FAM53B: variants seen among roughly 807,000 people sequenced by gnomAD.
FAM53B encodes family with sequence similarity 53 member B.
A neutral mutation model predicts 32.7 loss-of-function variants in FAM53B; 12 were observed. The ratio of observed to expected loss-of-function variants is 0.37; its 90% CI spans 0.24 to 0.59. The LOEUF (loss-of-function observed/expected upper bound fraction) is 0.59. Ranked by LOEUF, FAM53B falls within the 20% of genes least tolerant of loss-of-function variation. The pLI, the probability that FAM53B is intolerant of heterozygous loss-of-function variation, is 0.72. For missense variants in FAM53B, 477 were observed against 577.7 expected, an observed-to-expected ratio of 0.83 and a Z score of 1.79; for synonymous variants, 234 against 228.7, an observed-to-expected ratio of 1.02 and a Z score of -0.21.
intron 4 of FAM53B, among the ~76,000 whole-genome samples, chr10:124,658,457 C>A (rs1447790157): frequency 1.3e-5 from 2 of 152,178 alleles, no homozygotes; most frequent in Non-Finnish European, 2.9e-5. Flanking sequence ...AGTGGGTGGC[C>A]CCCACTCATA....
intron 4 of FAM53B, among the ~76,000 whole-genome samples, chr10:124,680,578 C>A (rs899755138): frequency 1.9e-4 from 29 of 152,328 alleles, no homozygotes; most frequent in African/African-American, 6.7e-4. Flanking sequence ...TGAAACGCAG[C>A]GAGCGTGATA....
intron 1 of FAM53B, 96 bp from the exon 2 acceptor site, chr10:124,706,983 T>G (rs1949963662): frequency 8.8e-7 from 1 of 1,136,786 alleles, no homozygotes; most frequent in Non-Finnish European, 1.2e-6. Flanking sequence ...CCCAGGGGAC[T>G]GGAACCACCT....
intron 4 of FAM53B, among the ~76,000 whole-genome samples, chr10:124,640,900 G>A (rs1219303290): frequency 1.3e-5 from 2 of 152,342 alleles, no homozygotes; most frequent in Admixed American, 1.3e-4. Flanking sequence ...GGCAAAGGCC[G>A]CAGAGGGCAC....
intron 4 of FAM53B, among the ~76,000 whole-genome samples, chr10:124,630,557 CCCAGATGGGGAAG>C (rs1386713060): frequency 6.6e-6 from 1 of 152,228 alleles, no homozygotes; most frequent in South Asian, 2.1e-4. Flanking sequence ...GGCAGCAAAA[CCCAGATGGGGAAG>C]CCAGGTTGCC....
intron 4 of FAM53B, among the ~76,000 whole-genome samples, chr10:124,669,130 G>A (rs1243007552): frequency 1.3e-5 from 2 of 152,244 alleles, no homozygotes; most frequent in Non-Finnish European, 2.9e-5. Flanking sequence ...GGGCTCAGAG[G>A]TCTTCAGCAA....
intron 4 of FAM53B, among the ~76,000 whole-genome samples, chr10:124,677,696 G>A (rs927652878): frequency 6.6e-6 from 1 of 151,922 alleles, no homozygotes; most frequent in Admixed American, 6.6e-5. Context: ...GAAGACATGA[G>A]CAAAGACAAT....
chr10:124,654,577 C>G (rs956150783), intron 4 of FAM53B, among the ~76,000 whole-genome samples: 10 of 152,220 alleles, frequency 6.6e-5, no homozygotes, highest in African/African-American at 2.4e-4. Context: ...TGATTCATCT[C>G]CCCGTGGCCC....
intron 3 of FAM53B, among the ~76,000 whole-genome samples, chr10:124,693,659 G>C (rs1041093246): frequency 6.6e-6 from 1 of 152,154 alleles, no homozygotes; most frequent in Non-Finnish European, 1.5e-5. Context: ...AAGGGATAGA[G>C]GTGGGAGGGA....
intron 1 of FAM53B, among the ~76,000 whole-genome samples, chr10:124,740,698 C>T (rs571510702): frequency 2.6e-5 from 4 of 152,156 alleles, no homozygotes; most frequent in Non-Finnish European, 5.9e-5. Context: ...AAAGTGTATC[C>T]GTTGGACAAG....
rs3781461 is a variant in FAM53B, at chr10:124,650,833, T to G, written c.907-27229A>C. On this transcript the variant is annotated intron_variant, in intron 4 of 4. Transcript: ENST00000337318. ...TCAGCCATTTGTTTCGAGAGAGAGA[T>G]GTGTTTGAAAAGAAAGGGTTCATCC... Among the ~76,000 whole-genome samples the G allele has an allele frequency of 3.8e-3, 581 of 152,180 alleles. 15 individuals are homozygous for G. The East Asian group carries it at 0.095, about 25-fold the overall frequency.
rs548865166 is a variant in FAM53B, at chr10:124,674,278, T to A, written c.906+7329A>T. ...TCACACTGGATGAGCAGCAGGCCCC[T>A]CCTTTTGCCAAATTTCTCCCCTTAC... On this transcript the variant is annotated intron_variant, in intron 4 of 4. Coordinates refer to ENST00000337318, the MANE Select transcript of FAM53B (RefSeq NM_014661.4). 8.2e-4 allele frequency among the ~76,000 whole-genome samples: 125 copies of A among 152,278 alleles called. 1 individual carries two copies. The highest frequency in any genetic ancestry group is 3.4e-3 in the Middle Eastern group (1 of 292).
At chr10:124,698,613 T>C (rs184078101) in intron 2 of FAM53B, among the ~76,000 whole-genome samples, 4 of 152,248 alleles carry the variant, frequency 2.6e-5, no homozygotes, top group Admixed American at 2.0e-4. Flanking sequence ...TGAGGACTTA[T>C]CAGCATCTGC....
At chr10:124,741,068 C>G (rs1950196761) in intron 1 of FAM53B, among the ~76,000 whole-genome samples, 1 of 152,222 alleles carries the variant, frequency 6.6e-6, no homozygotes, top group Non-Finnish European at 1.5e-5. Flanking sequence ...CTGGGGTTTG[C>G]AAGGACTAGT....
rs552111805 is a variant in FAM53B at position 124,696,341 on chromosome 10, G to A, written c.79-129C>T. On this transcript the variant is annotated intron_variant, in intron 2 of 4. Transcript: ENST00000337318. ...TTTGCCAATGTCAGATCAGGGAAAGGAGGAAAAGGTATTCAAAGAGAAAAC... is the reference window on the plus strand; with the variant it reads ...TTTGCCAATGTCAGATCAGGGAAAGAAGGAAAAGGTATTCAAAGAGAAAAC... 634 of 813,484 alleles carry A rather than the reference G, an allele frequency of 7.8e-4. 1 individual carries two copies. Among genetic ancestry groups the A allele is most frequent in the Non-Finnish European group, 1.1e-3 (526 of 487,384 alleles). The allele number at this position is 813,484 out of a possible 1,614,324, so 50.4% of individuals were successfully genotyped here.
At chr10:124,729,428 C>T (rs531141399) in intron 1 of FAM53B, among the ~76,000 whole-genome samples, 17 of 152,334 alleles carry the variant, frequency 1.1e-4, no homozygotes, top group African/African-American at 4.1e-4. Context: ...ACCTCTTAAA[C>T]ACAACTTCCT....
At chr10:124,650,860 A>G (rs1222956162) in intron 4 of FAM53B, among the ~76,000 whole-genome samples, 1 of 152,186 alleles carries the variant, frequency 6.6e-6, no homozygotes, top group Non-Finnish European at 1.5e-5. Context: ...GGTTCATCCT[A>G]AAGTGGATTT....
intron 1 of FAM53B, chr10:124,713,644 T>A (rs1950019894): frequency 6.6e-6 from 1 of 152,250 alleles, no homozygotes; most frequent in Non-Finnish European, 1.5e-5. Context: ...GTTTACCAAA[T>A]GCTCTGTAAT....
Position 124,635,668 on chromosome 10 carries a change from G to A in FAM53B, c.907-12064C>T, listed in dbSNP as rs199610437. ...ATCCTCCAAGAGGCCAAAGGCACAC[G>A]ACGTGTGACCAAGCAATCCCAATGG... On this transcript the variant is annotated intron_variant, in intron 4 of 4. Coordinates refer to ENST00000337318, the MANE Select transcript of FAM53B (RefSeq NM_014661.4). Among the ~76,000 whole-genome samples the A allele has an allele frequency of 4.6e-5, 7 of 152,254 alleles. No homozygotes were observed. In the East Asian group the frequency reaches 9.7e-4, roughly 21 times the overall value.
intron 1 of FAM53B, among the ~76,000 whole-genome samples, chr10:124,739,874 T>A (rs188232017): frequency 1.6e-3 from 238 of 152,304 alleles, no homozygotes; most frequent in African/African-American, 5.4e-3. Context: ...AAACGTGTTT[T>A]TATTTTCTCG....
Sources: allele counts gnomAD v4.1 joint callset (sites outside exome capture counted in the v4.1 genomes callset), GRCh38; gene constraint gnomAD v4.1.1; transcripts MANE v1.5; gene names NCBI Gene and HGNC (gene_info 2026-07-23, HGNC 2026-07-21).